The following VPS53 variants were observed in gnomAD, a reference collection of about 807,000 sequenced individuals.
VPS53 encodes vacuolar protein sorting-associated protein 53 homolog.
Under a neutral mutation model 107.0 loss-of-function variants are expected in VPS53, and 70 were observed. The observed-to-expected ratio is 0.65, with a 90% CI of 0.54 to 0.80. The LOEUF is 0.80. Ranked by LOEUF, VPS53 falls within the 30% of genes least tolerant of loss-of-function variation. VPS53 has a pLI of 0.00. For missense variants in VPS53, 917 were observed against 1,049.4 expected (o/e 0.87, Z 1.74); for synonymous variants, 409 against 393.3 (o/e 1.04, Z -0.47).
intron 5 of VPS53, among the ~76,000 whole-genome samples, chr17:661,292 C>T (rs902850924): frequency 1.3e-5 from 2 of 151,822 alleles, no homozygotes; most frequent in African/African-American, 4.8e-5. Flanking sequence ...GAGGCCGAGG[C>T]GGGCGGATCA....
chr17:713,732 G>T (rs1348934257), intron 1 of VPS53, among the ~76,000 whole-genome samples: 1 of 151,382 alleles, frequency 6.6e-6, no homozygotes, highest in African/African-American at 2.4e-5. Flanking sequence ...CAATAAACTT[G>T]CAAAGGCAAG....
At chr17:688,622 C>T (rs904228801) in intron 4 of VPS53, among the ~76,000 whole-genome samples, 2 of 152,090 alleles carry the variant, frequency 1.3e-5, no homozygotes, top group Middle Eastern at 3.4e-3. Context: ...TAGAAGCAGG[C>T]AAAATGAACA....
In VPS53 at chr17:629,809, C is replaced by CACA. The variant is rs1290397212; in HGVS notation, c.688-1579_688-1578insTGT. On this transcript the variant is annotated intron_variant, in intron 8 of 21. Coordinates refer to ENST00000437048, the MANE Select transcript of VPS53 (RefSeq NM_001128159.3). ...AACTAAAAACAAAACAAAAAAAAAA[C>CACA]CACACACACACACACACACACACAC... Among the ~76,000 whole-genome samples, 260 of 140,794 alleles carry CACA rather than the reference C, an allele frequency of 1.8e-3. 1 individual carries two copies. The highest frequency in any genetic ancestry group is 5.7e-3 in the East Asian group (28 of 4,894). 92.4% of individuals were successfully genotyped at this position (140,794 alleles called of 152,430 possible).
At chr17:575,739 A>G (rs1398757188) in intron 13 of VPS53, among the ~76,000 whole-genome samples, 1 of 151,290 alleles carries the variant, frequency 6.6e-6, no homozygotes, top group Admixed American at 6.6e-5. Flanking sequence ...GCTTTCCCAG[A>G]GAACCTCCCT....
intron 7 of VPS53, among the ~76,000 whole-genome samples, chr17:635,262 ATTTG>A (rs1473614348): frequency 6.6e-6 from 1 of 151,986 alleles, no homozygotes; most frequent in Non-Finnish European, 1.5e-5. Context: ...TTTCTTGTAA[ATTTG>A]TTTGAGTTAT....
At chr17:704,526 C>T (rs1056918282) in intron 2 of VPS53, among the ~76,000 whole-genome samples, 1 of 152,184 alleles carries the variant, frequency 6.6e-6, no homozygotes, top group Non-Finnish European at 1.5e-5. Context: ...AAATTTCAAG[C>T]TATGCCACTA....
intron 13 of VPS53, among the ~76,000 whole-genome samples, chr17:575,035 T>C (rs1001372677): frequency 6.6e-6 from 1 of 152,204 alleles, no homozygotes; most frequent in Non-Finnish European, 1.5e-5. Flanking sequence ...TCGGTGTGCC[T>C]GCTGGGCACG....
At chr17:595,753 C>T (rs1195232501) in intron 12 of VPS53, among the ~76,000 whole-genome samples, 3 of 125,384 alleles carry the variant, frequency 2.4e-5, no homozygotes, top group Non-Finnish European at 1.7e-5. Flanking sequence ...ACTCTAGTGT[C>T]CCCCTGGAGG....
rs1329429660 is a variant in VPS53 at position 673,116 on chromosome 17, AAAAAAC to A, written c.286-11227_286-11222del. 3.4e-4 allele frequency among the ~76,000 whole-genome samples: 51 copies of A among 149,934 alleles called. 1 individual carries two copies. Among genetic ancestry groups the A allele is most frequent in the South Asian group, 2.7e-3 (13 of 4,748 alleles). ...CACAGAGCAAGATTCCGTCGCAAAA[AAAAAAC>A]AAAAACAAAAACAAAAAAAAAACAA... On this transcript the variant is annotated intron_variant, in intron 4 of 21. Coordinates refer to ENST00000437048, the MANE Select transcript of VPS53 (RefSeq NM_001128159.3).
chr17:693,825 T>C (rs868332737), intron 4 of VPS53, among the ~76,000 whole-genome samples: 29 of 3,388 alleles, frequency 8.6e-3, no homozygotes, highest in South Asian at 0.077. Flanking sequence ...CTTTTGTCCA[T>C]ATGCCACTCC....
At chr17:655,789 A>G in intron 6 of VPS53, 49 bp downstream of exon 6, 1 of 1,530,870 alleles carries the variant, frequency 6.5e-7, no homozygotes, top group Non-Finnish European at 9.0e-7. Flanking sequence ...CATTTTCTCT[A>G]TGCGATACAT....
At chr17:547,561 A>T (rs541627628) in intron 17 of VPS53, among the ~76,000 whole-genome samples, 330 of 152,296 alleles carry the variant, frequency 2.2e-3, no homozygotes, top group African/African-American at 7.6e-3. Context: ...TTTTGGGGTA[A>T]TGAAGATGTT....
rs149305165 is a variant in VPS53, at chr17:704,445, A to T, written c.169-5065T>A. ...AATCTACTTTAAACAATCTAAACTC[A>T]TAATGTACAAGTGTTTACTGGAGGT... On this transcript the variant is annotated intron_variant, in intron 2 of 21. Transcript: ENST00000437048. Among the ~76,000 whole-genome samples, 276 of 152,340 alleles carry T rather than the reference A, an allele frequency of 1.8e-3. 1 individual carries two copies. Among genetic ancestry groups the T allele is most frequent in the African/African-American group, 6.4e-3 (265 of 41,570 alleles).
At chr17:648,323 G>A (rs2143434266) in intron 7 of VPS53, among the ~76,000 whole-genome samples, 1 of 152,292 alleles carries the variant, frequency 6.6e-6, no homozygotes, top group South Asian at 2.1e-4. Flanking sequence ...TGAGACAGGT[G>A]GATCACTTGA....
At chr17:677,467 G>A (rs980775419) in intron 4 of VPS53, among the ~76,000 whole-genome samples, 2 of 152,122 alleles carry the variant, frequency 1.3e-5, no homozygotes, top group African/African-American at 4.8e-5. Context: ...GGCAGGGGAA[G>A]GAAGGACTTA....
At chr17:558,815 C>T (rs1474999162) in intron 15 of VPS53, among the ~76,000 whole-genome samples, 1 of 133,724 alleles carries the variant, frequency 7.5e-6, no homozygotes, top group East Asian at 2.4e-4. Flanking sequence ...GAAACCCCAT[C>T]TCTACTAAAA....
At chr17:657,032 C>A in intron 5 of VPS53, 1 of 859,428 alleles carries the variant, frequency 1.2e-6, no homozygotes, top group South Asian at 1.3e-5. Context: ...GTGAGCACCT[C>A]CAGTCACCAT....
chr17:553,042 A>G (rs12951417), intron 16 of VPS53: 1 of 870 alleles, frequency 1.1e-3, no homozygotes. Context: ...GCAAGCGTGT[A>G]CAAGGTATAT....
chr17:591,972 G>A (rs1365741705), intron 12 of VPS53, among the ~76,000 whole-genome samples: 1 of 152,130 alleles, frequency 6.6e-6, no homozygotes, highest in Non-Finnish European at 1.5e-5. Flanking sequence ...TCATTGATCT[G>A]TCTAATGTTG....
Sources: gnomAD v4.1 joint callset for allele counts (sites outside exome capture counted in the v4.1 genomes callset) on GRCh38, gnomAD v4.1.1 for gene constraint, MANE v1.5 for transcripts, NCBI Gene and HGNC (gene_info 2026-07-23, HGNC 2026-07-21) for gene names.